PTPRD: variants seen among roughly 807,000 people sequenced by gnomAD.
The protein encoded by PTPRD is protein tyrosine phosphatase receptor type D.
A neutral mutation model predicts 214.5 loss-of-function variants in PTPRD; 34 were observed. The ratio of observed to expected loss-of-function variants is 0.16; its 90% CI spans 0.12 to 0.21. The LOEUF is 0.21. Ranked by LOEUF, PTPRD falls within the 10% of genes least tolerant of loss-of-function variation. The probability of loss-of-function intolerance (pLI) is 1.00; values close to 1 mark genes in which losing one functional copy is unlikely to be tolerated. For missense variants in PTPRD, 2,545 were observed against 2,398.7 expected (o/e 1.06, Z -1.27); for synonymous variants, 1,128 against 845.7 (o/e 1.33, Z -5.79).
intron 2 of PTPRD, among the ~76,000 whole-genome samples, chr9:10,381,918 G>C (rs2097833868): frequency 1.3e-5 from 2 of 151,900 alleles, no homozygotes; most frequent in South Asian, 2.1e-4. Context: ...TAAACCCAAA[G>C]TTTATTGTAA....
At chr9:9,811,784 A>C (rs1328057850) in intron 5 of PTPRD, among the ~76,000 whole-genome samples, 1 of 152,204 alleles carries the variant, frequency 6.6e-6, no homozygotes. Flanking sequence ...TGAAATGACA[A>C]CAAAATATTA....
chr9:9,235,526 T>G (rs2099966061), intron 9 of PTPRD, among the ~76,000 whole-genome samples: 1 of 152,166 alleles, frequency 6.6e-6, no homozygotes, highest in South Asian at 2.1e-4. Context: ...CTTCTCCTCT[T>G]GTCTTTTGTT....
rs141134729 is a variant in PTPRD at position 9,358,718 on chromosome 9, A to C, written c.-203+38731T>G. ...AGAGAGAATGGTAGAACTAAAAAGT[A>C]CATGTTGAGAAGGGCCTGCGCCTGA... On this transcript the variant is annotated intron_variant, in intron 9 of 45. Coordinates refer to ENST00000381196, the MANE Select transcript of PTPRD (RefSeq NM_002839.4). Among the ~76,000 whole-genome samples the C allele has an allele frequency of 6.6e-5, 10 of 151,472 alleles. No individual in the cohort carries two copies. In the East Asian group the frequency reaches 2.0e-3, roughly 30 times the overall value.
intron 2 of PTPRD, among the ~76,000 whole-genome samples, chr9:10,358,022 G>A (rs1163055517): frequency 6.6e-6 from 1 of 152,104 alleles, no homozygotes; most frequent in Non-Finnish European, 1.5e-5. Context: ...ACTAACTACT[G>A]TGCTCAATAC....
At chr9:8,783,573 G>T (rs1257519786) in intron 11 of PTPRD, among the ~76,000 whole-genome samples, 1 of 152,188 alleles carries the variant, frequency 6.6e-6, no homozygotes, top group African/African-American at 2.4e-5. Context: ...CGGTGACATT[G>T]TGACAGAAGT....
chr9:9,948,793 C>T (rs2093110351), intron 4 of PTPRD, among the ~76,000 whole-genome samples: 1 of 151,882 alleles, frequency 6.6e-6, no homozygotes, highest in Non-Finnish European at 1.5e-5. Context: ...TATATTAGAT[C>T]TGATCTCAAC....
At position 8,793,297 on chromosome 9, in the gene PTPRD, C is replaced by A. The variant is rs550109608; in HGVS notation, c.-103-59351G>T. ...ATAAGCCAGCTACCATGTGAGCAGT[C>A]CAACGGTGGAACTCAACTGATAAGG... On this transcript the variant is annotated intron_variant, in intron 11 of 45. Transcript: ENST00000381196. Among the ~76,000 whole-genome samples, 410 of 152,274 alleles carry A rather than the reference C, an allele frequency of 2.7e-3. 1 individual carries two copies. Among genetic ancestry groups the A allele is most frequent in the African/African-American group, 9.3e-3 (386 of 41,538 alleles).
At chr9:10,387,688 A>G (rs951666220) in intron 2 of PTPRD, among the ~76,000 whole-genome samples, 1 of 151,710 alleles carries the variant, frequency 6.6e-6, no homozygotes, top group African/African-American at 2.4e-5. Flanking sequence ...TACATGACAA[A>G]TGAAAGCTTC....
chr9:9,823,725 G>A (rs1209275362), intron 5 of PTPRD, among the ~76,000 whole-genome samples: 3 of 152,130 alleles, frequency 2.0e-5, no homozygotes, highest in Non-Finnish European at 2.9e-5. Flanking sequence ...CCAGAGGCTA[G>A]GAATTATAGT....
At chr9:8,424,672 A>G (rs201931840) in intron 35 of PTPRD, among the ~76,000 whole-genome samples, 1 of 532 alleles carries the variant, frequency 1.9e-3, no homozygotes, top group East Asian at 0.056. Flanking sequence ...CAGAAAATAA[A>G]GAAGGGGACT....
intron 5 of PTPRD, among the ~76,000 whole-genome samples, chr9:9,793,496 A>G (rs577172053): frequency 6.6e-6 from 1 of 152,262 alleles, no homozygotes; most frequent in Non-Finnish European, 1.5e-5. Flanking sequence ...GGATGGATGG[A>G]CGGACAGATA....
At chr9:10,177,534 T>C (rs1005661042) in intron 3 of PTPRD, among the ~76,000 whole-genome samples, 3 of 150,678 alleles carry the variant, frequency 2.0e-5, no homozygotes, top group Non-Finnish European at 3.0e-5. Context: ...AATGGAAAGA[T>C]AGGCGGGACA....
At chr9:10,196,583 G>C (rs1380106797) in intron 3 of PTPRD, among the ~76,000 whole-genome samples, 1 of 152,066 alleles carries the variant, frequency 6.6e-6, no homozygotes, top group African/African-American at 2.4e-5. Context: ...TGACAAATTA[G>C]TATTAAAATT....
At chr9:9,101,609 C>T (rs913062870) in intron 10 of PTPRD, among the ~76,000 whole-genome samples, 1 of 151,992 alleles carries the variant, frequency 6.6e-6, no homozygotes, top group African/African-American at 2.4e-5. Context: ...TTTGTAGCAC[C>T]TGATTAAAAA....
chr9:9,275,925 G>A (rs1192284057), intron 9 of PTPRD, among the ~76,000 whole-genome samples: 1 of 151,078 alleles, frequency 6.6e-6, no homozygotes, highest in Non-Finnish European at 1.5e-5. Flanking sequence ...AGATTGAGCT[G>A]TGTAAACCAA....
chr9:9,604,980 C>G (rs1196292392), intron 7 of PTPRD, among the ~76,000 whole-genome samples: 1 of 151,850 alleles, frequency 6.6e-6, no homozygotes, highest in Non-Finnish European at 1.5e-5. Flanking sequence ...TCTAATGGGC[C>G]AGAGCTTATT....
chr9:10,421,877 C>T (rs2098549057), intron 2 of PTPRD, among the ~76,000 whole-genome samples: 1 of 151,466 alleles, frequency 6.6e-6, no homozygotes, highest in African/African-American at 2.4e-5. Context: ...AACAGCAGTC[C>T]TTTATTATTC....
chr9:10,033,073 G>A (rs1285617027), intron 4 of PTPRD, among the ~76,000 whole-genome samples: 2 of 151,106 alleles, frequency 1.3e-5, no homozygotes, highest in African/African-American at 2.4e-5. Context: ...ATATTTTAAG[G>A]AGCATGTAAG....
Position 8,499,672 on chromosome 9 carries a change from T to G in PTPRD, c.2297A>C (p.Lys766Thr), listed in dbSNP as rs1288683290. The change falls in exon 25 of 46, where the codon AAA becomes ACA. Residue 766 changes from lysine to threonine, a missense_variant. Transcript: ENST00000381196. ...CTGTGCATCAGCCAGCATGACATCT[T>G]TCAGCATGGGCTGGCCCTTGGGCTC... is the stretch of plus-strand genomic sequence containing the variant. Reference protein sequence around the residue: ...NGEPKGQPMLKDVMLADAQWE... With the variant: ...NGEPKGQPMLTDVMLADAQWE... 5.0e-6 allele frequency: 8 copies of G among 1,613,574 alleles called. No individual in the cohort carries two copies. In the African/African-American group the frequency reaches 5.3e-5, roughly 11 times the overall value.
Sources: allele counts gnomAD v4.1 joint callset (sites outside exome capture counted in the v4.1 genomes callset), GRCh38; gene constraint gnomAD v4.1.1; transcripts MANE v1.5; gene names NCBI Gene and HGNC (gene_info 2026-07-23, HGNC 2026-07-21).